PPM1F: variants seen among roughly 807,000 people sequenced by gnomAD.
PPM1F encodes protein phosphatase, Mg2+/Mn2+ dependent 1F.
A neutral mutation model predicts 35.5 loss-of-function variants in PPM1F; 17 were observed. That is an observed-to-expected ratio of 0.48 (90% confidence interval 0.33 to 0.72). PPM1F has a LOEUF of 0.72. Among genes scored for constraint, PPM1F ranks in the 30% least tolerant of loss-of-function variants. The pLI, the probability that PPM1F is intolerant of heterozygous loss-of-function variation, is 0.02. For synonymous variants in PPM1F, 241 were observed against 255.5 expected (o/e 0.94, Z 0.54); for missense variants, 521 against 613.0 (o/e 0.85, Z 1.59).
chr22:21,923,067 G>A lies in PPM1F; in HGVS notation c.*25C>T. Reference sequence around the variant, plus strand: ...AGAGAAGGACAAGGATGGGAGGAAGGGGAGGGCAGGGGCCTGGAAACCACC... The same window carrying A: ...AGAGAAGGACAAGGATGGGAGGAAGAGGAGGGCAGGGGCCTGGAAACCACC... On this transcript the variant is annotated 3_prime_UTR_variant, in exon 8 of 8. Transcript: ENST00000263212. 1 of 1,567,572 alleles carries A rather than the reference G, an allele frequency of 6.4e-7. No individual in the cohort carries two copies. Among genetic ancestry groups the A allele is most frequent in the Non-Finnish European group, 8.6e-7 (1 of 1,158,778 alleles).
chr22:21,931,390 G>T (rs1465044669), intron 5 of PPM1F, 99 bp from the exon 6 acceptor site: 1 of 1,203,076 alleles, frequency 8.3e-7, no homozygotes, highest in Non-Finnish European at 1.2e-6. Context: ...GAATACTTCC[G>T]TTACTGTGGT....
chr22:21,931,443 A>G (rs2070589320), intron 5 of PPM1F, 152 bp from the exon 6 acceptor site: 1 of 621,276 alleles, frequency 1.6e-6, no homozygotes, highest in Non-Finnish European at 2.7e-6. Flanking sequence ...AAAACTTGCC[A>G]AATTGTGGAC....
chr22:21,951,392 G>A (rs1374852994), intron 1 of PPM1F: 2 of 110,328 alleles, frequency 1.8e-5, no homozygotes, highest in African/African-American at 7.1e-5. Context: ...TTTCGCTCTT[G>A]TTGCCCAGGC....
rs973240317 is a variant in PPM1F, at chr22:21,923,311, C to T, written c.1146G>A (p.Gln382=). The part of the protein sequence containing the change: ...VGLVQSHLTR[Q]QGSGLRVAEE... ...CGGCGACACGGAGCCCGCTGCCCTG[C>T]TGCCTGGTCAGGTGGCTCTGGACCA... Residue 382 remains glutamine, a synonymous_variant, in exon 8 of 8, where the codon CAG becomes CAA. Transcript: ENST00000263212. 6.2e-7 allele frequency: 1 copy of T among 1,613,474 alleles called. No homozygotes were observed. Among genetic ancestry groups the T allele is most frequent in the African/African-American group, 1.3e-5 (1 of 74,928 alleles).
In PPM1F at chr22:21,923,063, G is replaced by A. The variant is rs1160511720; in HGVS notation, c.*29C>T. 1.9e-6 allele frequency: 3 copies of A among 1,564,088 alleles called. No individual in the cohort carries two copies. The highest frequency in any genetic ancestry group is 2.6e-6 in the Non-Finnish European group (3 of 1,157,248). ...AGGGAGAGAAGGACAAGGATGGGAGGAAGGGGAGGGCAGGGGCCTGGAAAC... is the reference window on the plus strand; with the variant it reads ...AGGGAGAGAAGGACAAGGATGGGAGAAAGGGGAGGGCAGGGGCCTGGAAAC... On this transcript the variant is annotated 3_prime_UTR_variant, in exon 8 of 8. Transcript: ENST00000263212.
Position 21,931,268 on chromosome 22 carries a change from A to G in PPM1F, c.771T>C (p.Gly257=). The stretch of plus-strand genomic sequence containing the variant: ...TCGCTCCTGCAATGAGCGCACACAC[A>G]CCTGTGGTGCCGCTCTGCAGCCGCT... ...KRERLQSGTT[G]VCALIAGATL... Residue 257 remains glycine (G), a synonymous_variant, in exon 6 of 8, where the codon GGT becomes GGC. Transcript: ENST00000263212. 1 of 1,612,782 alleles carries G rather than the reference A, an allele frequency of 6.2e-7. No individual in the cohort carries two copies. Among genetic ancestry groups the G allele is most frequent in the Non-Finnish European group, 8.5e-7 (1 of 1,179,960 alleles).
At chr22:21,934,444 T>G in intron 3 of PPM1F, 1 of 555,054 alleles carries the variant, frequency 1.8e-6, no homozygotes, top group Non-Finnish European at 3.2e-6. Context: ...CATCCCACCA[T>G]GGAGCAACTC....
chr22:21,926,575 T>C (rs763246454), intron 6 of PPM1F, among the ~76,000 whole-genome samples: 1 of 152,132 alleles, frequency 6.6e-6, no homozygotes, highest in Non-Finnish European at 1.5e-5. Context: ...TCTTTGGTCC[T>C]ATCAGCCTCT....
intron 4 of PPM1F, 73 bp from the exon 5 acceptor site, chr22:21,933,652 C>G: frequency 7.3e-7 from 1 of 1,365,670 alleles, no homozygotes; most frequent in Non-Finnish European, 1.0e-6. Flanking sequence ...GCGCCAGGCA[C>G]TGATGGGGTA....
At position 21,925,480 on chromosome 22, in the gene PPM1F, C is replaced by T. The variant is rs535089198; in HGVS notation, c.985+89G>A. ...CCCCCTCGGCCCATCACACTGCCTCCCTGAACCCCTGGTGAGCCGCGGGCC... is the reference window on the plus strand; with the variant it reads ...CCCCCTCGGCCCATCACACTGCCTCTCTGAACCCCTGGTGAGCCGCGGGCC... On this transcript the variant is annotated intron_variant, in intron 7 of 7. Coordinates refer to ENST00000263212, the MANE Select transcript of PPM1F (RefSeq NM_014634.4). 5.8e-5 allele frequency: 64 copies of T among 1,105,052 alleles called. No homozygotes were observed. In the Admixed American group the frequency reaches 7.4e-4, roughly 13 times the overall value. The allele number at this position is 1,105,052 out of a possible 1,614,324, so 68.5% of individuals were successfully genotyped here.
chr22:21,940,333 T>C (rs950884368), intron 2 of PPM1F, among the ~76,000 whole-genome samples: 8 of 151,638 alleles, frequency 5.3e-5, no homozygotes, highest in African/African-American at 1.7e-4. Context: ...ATTAGCCGGG[T>C]GTGGTGGCGC....
intron 6 of PPM1F, 68 bp downstream of exon 6, chr22:21,931,080 G>C (rs2145795589): frequency 6.3e-7 from 1 of 1,582,130 alleles, no homozygotes; most frequent in African/African-American, 1.3e-5. Flanking sequence ...GCTGGGTGGG[G>C]TTCCCCTATG....
chr22:21,939,638 T>A lies in PPM1F; in HGVS notation c.249A>T (p.Ala83=). 2 of 1,556,618 alleles carry A rather than the reference T, an allele frequency of 1.3e-6. No homozygotes were observed. The highest frequency in any genetic ancestry group is 1.7e-6 in the Non-Finnish European group (2 of 1,149,180). The change falls in exon 3 of 8, where the codon GCA becomes GCT. Residue 83 remains alanine (A), a synonymous_variant. Coordinates refer to ENST00000263212, the MANE Select transcript of PPM1F (RefSeq NM_014634.4). The surrounding 1 kb of genome is among the most constrained non-coding windows in gnomAD (Gnocchi z 5.1). ...PPLAAALAHE[A]VSQLLQTDLS... is the part of the protein sequence containing the mutation. ...GGTCTGTCTGTAGCAGCTGTGAAAC[T>A]GCTTCGTGGGCCAGAGCAGCAGCAA...
At position 21,931,248 on chromosome 22, in the gene PPM1F, C is replaced by T. The variant is rs1206624886; in HGVS notation, c.791G>A (p.Gly264Glu). Residue 264 changes from glycine (G) to glutamate (E), a missense_variant, in exon 6 of 8, where the codon GGA becomes GAA. By Grantham distance (98) the Gly-to-Glu change is moderately conservative. Around this residue, in one of 3 missense-constraint regions of PPM1F, gnomAD observed 47 missense variants for 92.0 expected, o/e 0.51. Transcript: ENST00000263212. ...GAGCCAGGCGACGTGCAGGGTCGCTCCTGCAATGAGCGCACACACACCTGT... is the reference window on the plus strand; with the variant it reads ...GAGCCAGGCGACGTGCAGGGTCGCTTCTGCAATGAGCGCACACACACCTGT... ...GTTGVCALIA[G>E]ATLHVAWLGD... The T allele has an allele frequency of 6.2e-7, 1 of 1,613,768 alleles. No individual in the cohort carries two copies. The highest frequency in any genetic ancestry group is 1.1e-5 in the South Asian group (1 of 91,082).
Position 21,933,497 on chromosome 22 carries a change from T to G in PPM1F, c.641A>C (p.His214Pro), listed in dbSNP as rs2070618627. The change falls in exon 5 of 8, where the codon CAC (histidine) becomes CCC (proline). Residue 214 changes from histidine (H) to proline (P), a missense_variant. By Grantham distance (77) the His-to-Pro change is moderately conservative (BLOSUM62 -2). Transcript: ENST00000263212. ...CTCTGGCTGGCGGGCAGCGTTGGTG[T>G]GCACGTGGACAGCGGCGTACCTCGC... ...DAARYAAVHV[H>P]TNAARQPELP... The G allele has an allele frequency of 1.2e-6, 2 of 1,613,600 alleles. No individual in the cohort carries two copies. Among genetic ancestry groups the G allele is most frequent in the Non-Finnish European group, 1.7e-6 (2 of 1,179,992 alleles).
rs60216371 is a variant in PPM1F, at chr22:21,927,942, G to GTTTTTTTTTTTTTTT, written c.892-2295_892-2281dup. On this transcript the variant is annotated intron_variant, in intron 6 of 7. Transcript: ENST00000263212. ...GATTCTTGATTCTGTTTTTTGTTTT[G>GTTTTTTTTTTTTTTT]TTTTTTTTTTTTTTTTTTTTTTTTT... 8.5e-4 allele frequency among the ~76,000 whole-genome samples: 64 copies of GTTTTTTTTTTTTTTT among 75,146 alleles called. 4 individuals are homozygous for GTTTTTTTTTTTTTTT. The highest frequency in any genetic ancestry group is 2.8e-3 in the East Asian group (5 of 1,810). The allele number at this position is 75,146 out of a possible 152,430, so 49.3% of individuals were successfully genotyped here.
Position 21,946,111 on chromosome 22 carries a change from G to A in PPM1F, c.-60-3C>T, listed in dbSNP as rs2070775115. 1 of 1,366,430 alleles carries A rather than the reference G, an allele frequency of 7.3e-7. No homozygotes were observed. The highest frequency in any genetic ancestry group is 1.5e-5 in the South Asian group (1 of 65,828). 84.6% of individuals were successfully genotyped at this position (1,366,430 alleles called of 1,614,324 possible). A position where few individuals can be genotyped will look rare whatever the true frequency, so the allele number is the denominator to read the frequency against. ...CAAGAGGGTCTCCAGGCTTCACCCT[G>A]GGGAGAAATGTCAGAGTCAGCAGAA... On this transcript the variant is annotated splice_region_variant and splice_polypyrimidine_tract_variant and intron_variant, in intron 1 of 7. Transcript: ENST00000263212.
chr22:21,937,023 T>C (rs1022215959), intron 3 of PPM1F: 3 of 152,142 alleles, frequency 2.0e-5, no homozygotes, highest in African/African-American at 4.8e-5. Flanking sequence ...AAGGAAACCA[T>C]GGGGGCTCTG....
At chr22:21,937,993 T>C in intron 3 of PPM1F, 2 of 920,916 alleles carry the variant, frequency 2.2e-6, no homozygotes, top group Non-Finnish European at 2.9e-6. Context: ...AAGAATGGCT[T>C]GGAGTCCAAA....
Sources: allele counts gnomAD v4.1 joint callset (sites outside exome capture counted in the v4.1 genomes callset), GRCh38; gene constraint gnomAD v4.1.1; regional missense constraint gnomAD v4.1.1; non-coding constraint Gnocchi (gnomAD v3.1); transcripts MANE v1.5; gene names NCBI Gene and HGNC (gene_info 2026-07-23, HGNC 2026-07-21).